The following CTDSP1 variants were observed in gnomAD, a reference collection of about 807,000 sequenced individuals.
The protein encoded by CTDSP1 is carboxy-terminal domain RNA polymerase II polypeptide A small phosphatase 1.
Under a neutral mutation model 32.5 loss-of-function variants are expected in CTDSP1, and 15 were observed. The ratio of observed to expected loss-of-function variants is 0.46; its 90% CI spans 0.31 to 0.71. CTDSP1 has a LOEUF of 0.71. Ranked by LOEUF, CTDSP1 falls within the 30% of genes least tolerant of loss-of-function variation. CTDSP1 has a pLI of 0.05. For missense variants in CTDSP1, 294 were observed against 351.1 expected (o/e 0.84, Z 1.30); for synonymous variants, 185 against 145.4 (o/e 1.27, Z -1.96).
chr2:218,403,916 C>T (rs1697282904), intron 6 of CTDSP1, among the ~76,000 whole-genome samples: 1 of 152,138 alleles, frequency 6.6e-6, no homozygotes, highest in Admixed American at 6.5e-5. Flanking sequence ...AAAAACTAGC[C>T]AGGCGTGGTG....
Position 218,404,335 on chromosome 2 carries a change from A to G in CTDSP1, c.696A>G (p.Thr232=). ...VASWFDNMSD[T]ELHDLLPFFE... ...CGTGGTTTGACAACATGAGTGACAC[A>G]GAGCTCCACGACCTCCTCCCCTTCT... is the stretch of plus-strand genomic sequence containing the variant. The change falls in exon 7 of 7, where the codon ACA becomes ACG. Residue 232 remains threonine, a synonymous_variant. Transcript: ENST00000273062. 1 of 1,614,198 alleles carries G rather than the reference A, an allele frequency of 6.2e-7. No individual in the cohort carries two copies. The highest frequency in any genetic ancestry group is 8.5e-7 in the Non-Finnish European group (1 of 1,180,028).
chr2:218,398,712 G>A (rs1283356710), upstream of CTDSP1: 1 of 320,404 alleles, frequency 3.1e-6, no homozygotes, highest in Non-Finnish European at 5.7e-6. Flanking sequence ...CGCGGGAGAG[G>A]GGGAGGGGAG....
At chr2:218,398,453 G>A (rs1035872337), upstream of CTDSP1, 7 of 1,533,040 alleles carry the variant, frequency 4.6e-6, no homozygotes, top group East Asian at 2.5e-5. Flanking sequence ...CAGGAGGAGG[G>A]CCGAGGGATC....
chr2:218,403,578 C>T (rs1697268077), intron 6 of CTDSP1, 161 bp downstream of exon 6: 1 of 623,340 alleles, frequency 1.6e-6, no homozygotes, highest in Non-Finnish European at 2.7e-6. Context: ...TCCCCTCATC[C>T]ACCTGCCCTG....
Position 218,399,995 on chromosome 2 carries a change from C to G in CTDSP1, c.-96C>G. The G allele has an allele frequency of 8.0e-7, 1 of 1,245,614 alleles. No homozygotes were observed. The highest frequency in any genetic ancestry group is 1.0e-6 in the Non-Finnish European group (1 of 974,464). The allele number at this position is 1,245,614 out of a possible 1,614,324, so 77.2% of individuals were successfully genotyped here. On this transcript the variant is annotated 5_prime_UTR_variant, in exon 1 of 7. Transcript: ENST00000273062. ...CTCGCGGGGATCCCTCCCTCCCACCCCTCCCCTCCCCCCCGCGCCCCGATT... is the reference window on the plus strand; with the variant it reads ...CTCGCGGGGATCCCTCCCTCCCACCGCTCCCCTCCCCCCCGCGCCCCGATT...
intron 6 of CTDSP1, among the ~76,000 whole-genome samples, chr2:218,403,920 CGTG>C (rs1697283473): frequency 6.6e-6 from 1 of 152,064 alleles, no homozygotes; most frequent in South Asian, 2.1e-4. Flanking sequence ...ACTAGCCAGG[CGTG>C]GTGGCGCATG....
chr2:218,397,792 G>C (rs1288403444), upstream of CTDSP1, among the ~76,000 whole-genome samples: 17 of 152,138 alleles, frequency 1.1e-4, no homozygotes, highest in Admixed American at 1.1e-3. Flanking sequence ...CGCTCACTCC[G>C]TAACTAACTA....
At chr2:218,398,321 C>A, upstream of CTDSP1, 1 of 1,161,462 alleles carries the variant, frequency 8.6e-7, no homozygotes, top group Non-Finnish European at 1.2e-6. Flanking sequence ...AAGAAGGAGG[C>A]CGTTCTAAGG....
rs1420244956 is a variant in CTDSP1, at chr2:218,403,384, A to G, written c.624A>G (p.Ser208=). 1.2e-6 allele frequency: 2 copies of G among 1,609,614 alleles called. No individual in the cohort carries two copies. Among genetic ancestry groups the G allele is most frequent in the Non-Finnish European group, 1.7e-6 (2 of 1,178,118 alleles). ...DLRRVLILDN[S]PASYVFHPDN... ...GGCGGGTGCTCATCCTGGACAATTC[A>G]CCTGCCTCCTATGTCTTCCATCCAG... Residue 208 remains serine, a synonymous_variant, in exon 6 of 7, where the codon TCA becomes TCG. Transcript: ENST00000273062.
chr2:218,397,973 G>A (rs1696907589), upstream of CTDSP1, among the ~76,000 whole-genome samples: 2 of 152,352 alleles, frequency 1.3e-5, no homozygotes, highest in East Asian at 1.9e-4. Context: ...GATTCCTGAG[G>A]AATCCTGTGA....
At chr2:218,402,583 A>G in intron 4 of CTDSP1, 178 bp downstream of exon 4, 1 of 774,416 alleles carries the variant, frequency 1.3e-6, no homozygotes. Context: ...TGCTGACTCC[A>G]AGCCTGCAGA....
chr2:218,404,261 C>G (rs1298520815), intron 6 of CTDSP1, 36 bp from the exon 7 acceptor site: 1 of 1,607,344 alleles, frequency 6.2e-7, no homozygotes, highest in Non-Finnish European at 8.5e-7. Context: ...CCCAGGACCA[C>G]CTGCCCCCCT....
rs1380825182 is a variant in CTDSP1 at position 218,400,010 on chromosome 2, G to A, written c.-81G>A. 3.1e-5 allele frequency: 9 copies of A among 290,876 alleles called. No individual in the cohort carries two copies. Among genetic ancestry groups the A allele is most frequent in the African/African-American group, 3.4e-5 (1 of 29,334 alleles). 18.0% of individuals were successfully genotyped at this position (290,876 alleles called of 1,614,324 possible). On this transcript the variant is annotated 5_prime_UTR_variant, in exon 1 of 7. Coordinates refer to ENST00000273062, the MANE Select transcript of CTDSP1 (RefSeq NM_021198.3). ...CCCTCCCACCCCTCCCCTCCCCCCC[G>A]CGCCCCGATTCCGGCCCCAGCCGGG... is the stretch of plus-strand genomic sequence containing the variant.
chr2:218,403,443 G>C, intron 6 of CTDSP1, 26 bp downstream of exon 6: 1 of 1,552,066 alleles, frequency 6.4e-7, no homozygotes, highest in Non-Finnish European at 8.7e-7. Flanking sequence ...ACTGGGACTG[G>C]GACAGGAGCT....
upstream of CTDSP1, among the ~76,000 whole-genome samples, chr2:218,397,961 G>C (rs541661397): frequency 6.6e-6 from 1 of 152,346 alleles, no homozygotes; most frequent in Non-Finnish European, 1.5e-5. Context: ...GAGGAGGTGG[G>C]GGATTCCTGA....
At chr2:218,402,911 C>A in intron 4 of CTDSP1, 124 bp from the exon 5 acceptor site, 2 of 726,130 alleles carry the variant, frequency 2.8e-6, no homozygotes, top group Non-Finnish European at 4.9e-6. Context: ...GCTGGCCAAG[C>A]GGAGCCTGCG....
At chr2:218,400,468 G>T (rs1410691056) in intron 1 of CTDSP1, 6 of 461,916 alleles carry the variant, frequency 1.3e-5, no homozygotes, top group Non-Finnish European at 2.0e-5. Flanking sequence ...CCCCACCATT[G>T]GCGCCAATGG....
At chr2:218,401,182 C>G in intron 1 of CTDSP1, 3 of 366,218 alleles carry the variant, frequency 8.2e-6, no homozygotes, top group South Asian at 6.2e-5. Context: ...GCCCTGGGTC[C>G]CAGGCCCTGG....
intron 6 of CTDSP1, 63 bp from the exon 7 acceptor site, chr2:218,404,234 G>C: frequency 6.3e-7 from 1 of 1,586,664 alleles, no homozygotes; most frequent in Non-Finnish European, 8.6e-7. Flanking sequence ...ACATAGGGCT[G>C]GCCTGGAAAT....
Sources: gnomAD v4.1 joint callset for allele counts (sites outside exome capture counted in the v4.1 genomes callset) on GRCh38, gnomAD v4.1.1 for gene constraint, MANE v1.5 for transcripts, NCBI Gene and HGNC (gene_info 2026-07-23, HGNC 2026-07-21) for gene names.